Variants in ABCB1 observed in about 807,000 individuals in gnomAD.
ABCB1 encodes ATP binding cassette subfamily B member 1.
ABCB1 carries 69 observed loss-of-function variants against 142.0 expected under a neutral mutation model. That is an observed-to-expected ratio of 0.49 (90% CI 0.40 to 0.59). ABCB1 has a LOEUF of 0.59. ABCB1 is among the 20% of genes least tolerant of loss of function. The probability of loss-of-function intolerance (pLI) is 0.00; values close to 1 mark genes in which losing one functional copy is unlikely to be tolerated. For synonymous variants in ABCB1, 532 were observed against 539.2 expected (o/e 0.99, Z 0.18); for missense variants, 1,326 against 1,554.7 (o/e 0.85, Z 2.47).
chr7:87,571,050 G>T (rs1231000488), intron 4 of ABCB1, among the ~76,000 whole-genome samples: 1 of 152,078 alleles, frequency 6.6e-6, no homozygotes, highest in Middle Eastern at 3.2e-3. Context: ...TGTTATAAAT[G>T]TACAAAGAGT....
At chr7:87,703,798 C>T (rs1307146735) in intron 1 of ABCB1, among the ~76,000 whole-genome samples, 3 of 135,070 alleles carry the variant, frequency 2.2e-5, no homozygotes, top group African/African-American at 8.3e-5. Context: ...AATTCATTTA[C>T]TTACTTTTTA....
chr7:87,549,705 T>C, intron 13 of ABCB1, 146 bp downstream of exon 13: 1 of 1,312,882 alleles, frequency 7.6e-7, no homozygotes. Flanking sequence ...TTGATACTGC[T>C]AGAGCTTTCA....
At chr7:87,580,760 A>C (rs1454819931) in intron 4 of ABCB1, among the ~76,000 whole-genome samples, 1 of 151,432 alleles carries the variant, frequency 6.6e-6, no homozygotes, top group Non-Finnish European at 1.5e-5. Context: ...GTCTCCTCTG[A>C]GTGTGTGTAT....
rs370948279 is a variant in ABCB1, at chr7:87,700,415, C to G, written c.-331+12746G>C. 16 of 1,590,374 alleles carry G rather than the reference C, an allele frequency of 1.0e-5. No individual in the cohort carries two copies. The highest frequency in any genetic ancestry group is 1.3e-5 in the Non-Finnish European group (15 of 1,171,734). The stretch of plus-strand genomic sequence containing the variant: ...AAAATTTTATATCGCAATTTGTCTC[C>G]TGAAGGTCAAGTAACCTGGTTTGGT... On this transcript the variant is annotated intron_variant, in intron 1 of 28. Coordinates refer to the ABCB1 transcript ENST00000265724.
chr7:87,505,779 G>A, intron 27 of ABCB1, 118 bp downstream of exon 27: 1 of 1,252,512 alleles, frequency 8.0e-7, no homozygotes, highest in Non-Finnish European at 1.2e-6. Flanking sequence ...ACATTTTACT[G>A]AAAGGTGATG....
At chr7:87,681,900 A>T (rs1029090752) in intron 1 of ABCB1, among the ~76,000 whole-genome samples, 2 of 152,170 alleles carry the variant, frequency 1.3e-5, no homozygotes, top group African/African-American at 2.4e-5. Flanking sequence ...CTTTCATGAA[A>T]GGTTTCTCTC....
chr7:87,648,101 C>T (rs1453107741), intron 1 of ABCB1, among the ~76,000 whole-genome samples: 5 of 149,248 alleles, frequency 3.4e-5, no homozygotes, highest in East Asian at 2.0e-4. Flanking sequence ...AGGAGAATGG[C>T]GTGAACCGGG....
At chr7:87,650,841 A>T in intron 1 of ABCB1, 1 of 1,608,278 alleles carries the variant, frequency 6.2e-7, no homozygotes, top group Non-Finnish European at 8.5e-7. Context: ...GAAGACCCTG[A>T]TTGATCGGTC....
At chr7:87,504,542 C>T (rs1187581667) in intron 27 of ABCB1, 93 bp from the exon 28 acceptor site, 18 of 1,523,836 alleles carry the variant, frequency 1.2e-5, no homozygotes, top group Middle Eastern at 2.2e-4. Flanking sequence ...GGCATGGTGG[C>T]TCACGCCTGT....
intron 1 of ABCB1, among the ~76,000 whole-genome samples, chr7:87,626,523 ATATATATGTGT>A (rs1280207939): frequency 7.9e-5 from 1 of 12,638 alleles, no homozygotes; most frequent in Admixed American, 1.1e-3. Flanking sequence ...TATATGTGTC[ATATATATGTGT>A]CATATATGTG....
At chr7:87,549,545 A>G in intron 13 of ABCB1, 27 bp from the exon 14 acceptor site, 1 of 1,614,214 alleles carries the variant, frequency 6.2e-7, no homozygotes, top group Non-Finnish European at 8.5e-7. Context: ...AGAATGATTT[A>G]GCATAAGGAC....
chr7:87,516,319 A>G (rs1815246423), intron 24 of ABCB1, among the ~76,000 whole-genome samples, 190 bp downstream of exon 24: 2 of 152,224 alleles, frequency 1.3e-5, no homozygotes, highest in African/African-American at 4.8e-5. Context: ...CTATTTCCCT[A>G]TAACCTTTGC....
At chr7:87,707,304 T>C (rs771730203) in intron 1 of ABCB1, among the ~76,000 whole-genome samples, 28 of 152,086 alleles carry the variant, frequency 1.8e-4, no homozygotes, top group Non-Finnish European at 1.2e-4. Flanking sequence ...TAAGCAATTA[T>C]AATAGGTTCA....
At chr7:87,673,630 G>T (rs1409065072) in intron 1 of ABCB1, among the ~76,000 whole-genome samples, 1 of 152,158 alleles carries the variant, frequency 6.6e-6, no homozygotes, top group Non-Finnish European at 1.5e-5. Flanking sequence ...ATATTCCTTA[G>T]ATTCCTTGGA....
At chr7:87,555,862 A>G (rs1817285719) in intron 8 of ABCB1, among the ~76,000 whole-genome samples, 1 of 152,214 alleles carries the variant, frequency 6.6e-6, no homozygotes, top group Non-Finnish European at 1.5e-5. Context: ...ATACTCTGTT[A>G]TCTCCTTTAT....
intron 1 of ABCB1, among the ~76,000 whole-genome samples, chr7:87,606,500 G>A (rs1304580576): frequency 6.6e-6 from 1 of 152,060 alleles, no homozygotes; most frequent in Non-Finnish European, 1.5e-5. Context: ...TGAAAAATGA[G>A]CAGTGACCTG....
intron 1 of ABCB1, chr7:87,629,214 T>G (rs1214313988): frequency 2.8e-6 from 1 of 353,894 alleles, no homozygotes; most frequent in African/African-American, 2.1e-5. Context: ...TTGTTTTGAA[T>G]GTGCAATCTA....
At chr7:87,710,657 T>C in intron 1 of ABCB1, 1 of 1,529,646 alleles carries the variant, frequency 6.5e-7, no homozygotes, top group Non-Finnish European at 8.9e-7. Flanking sequence ...AACAACCAGG[T>C]TTAAAAGTCC....
intron 7 of ABCB1, chr7:87,564,295 A>G (rs925187844): frequency 2.3e-5 from 7 of 310,432 alleles, no homozygotes; most frequent in African/African-American, 1.1e-4. Context: ...TAATATTCAG[A>G]GTGTTTGTAG....
Sources: allele counts gnomAD v4.1 joint callset (sites outside exome capture counted in the v4.1 genomes callset), GRCh38; gene constraint gnomAD v4.1.1; transcripts MANE v1.5; gene names NCBI Gene and HGNC (gene_info 2026-07-23, HGNC 2026-07-21).